The following BASP1 variants were observed in gnomAD, a reference collection of about 807,000 sequenced individuals.
BASP1 encodes brain abundant membrane attached signal protein 1.
Under a neutral mutation model 2.2 loss-of-function variants are expected in BASP1, and 1 was observed. That is an observed-to-expected ratio of 0.46 (90% CI 0.16 to 2.17). The LOEUF is 2.17. BASP1 is among the 30% of genes most tolerant of loss of function. The probability of loss-of-function intolerance (pLI) is 0.27; values close to 1 mark genes in which losing one functional copy is unlikely to be tolerated. For missense variants in BASP1, 352 were observed against 327.2 expected, an observed-to-expected ratio of 1.08 and a Z score of -0.58; for synonymous variants, 187 against 154.2, an observed-to-expected ratio of 1.21 and a Z score of -1.58.
intron 1 of BASP1, among the ~76,000 whole-genome samples, chr5:17,270,146 A>G (rs951664289): frequency 1.3e-5 from 2 of 152,060 alleles, no homozygotes; most frequent in Admixed American, 1.3e-4. Flanking sequence ...GATTACAGGC[A>G]TGCACCACCA....
intron 1 of BASP1, among the ~76,000 whole-genome samples, chr5:17,253,354 G>A (rs1208562446): frequency 1.3e-5 from 2 of 152,230 alleles, no homozygotes; most frequent in East Asian, 3.9e-4. Flanking sequence ...GGGACTACAG[G>A]CGTACGCCAC....
chr5:17,275,291 G>A lies in BASP1; in HGVS notation c.75G>A (p.Lys25=), dbSNP rs1464882024. 1 of 1,613,900 alleles carries A rather than the reference G, an allele frequency of 6.2e-7. No individual in the cohort carries two copies. Among genetic ancestry groups the A allele is most frequent in the Non-Finnish European group, 8.5e-7 (1 of 1,180,000 alleles). The change falls in exon 2 of 2, where the codon AAG becomes AAA. Residue 25 remains lysine, a synonymous_variant. Transcript: ENST00000322611. This position sits in a 1 kb window ranked among gnomAD's most constrained non-coding sequence, Gnocchi z 5.3. The part of the protein sequence containing the change: ...NDEKAKEKDK[K]AEGAATEEEG... Reference sequence around the variant, plus strand: ...AGAAAGCCAAGGAGAAAGACAAGAAGGCCGAGGGCGCGGCGACGGAAGAGG... The same window carrying A: ...AGAAAGCCAAGGAGAAAGACAAGAAAGCCGAGGGCGCGGCGACGGAAGAGG...
At chr5:17,226,217 C>G (rs1278204761) in intron 1 of BASP1, among the ~76,000 whole-genome samples, 1 of 152,092 alleles carries the variant, frequency 6.6e-6, no homozygotes, top group Non-Finnish European at 1.5e-5. Flanking sequence ...TAAAATAAAC[C>G]AAAATTAAAA....
chr5:17,235,646 T>C (rs7715335), intron 1 of BASP1, among the ~76,000 whole-genome samples: 2,021 of 152,314 alleles, frequency 0.013, 42 homozygotes, highest in Middle Eastern at 0.061. Context: ...AAGTGCTCCT[T>C]TCTCTTGACT....
intron 1 of BASP1, among the ~76,000 whole-genome samples, chr5:17,263,011 T>A (rs949102262): frequency 1.3e-5 from 2 of 152,140 alleles, no homozygotes; most frequent in Admixed American, 6.5e-5. Context: ...CACGCCCGGC[T>A]AATTTTTTAT....
chr5:17,255,146 CTA>C (rs1346804925), intron 1 of BASP1, among the ~76,000 whole-genome samples: 1 of 152,180 alleles, frequency 6.6e-6, no homozygotes, highest in East Asian at 1.9e-4. Context: ...GCAAATCTTT[CTA>C]TGTTAGTATT....
intron 1 of BASP1, among the ~76,000 whole-genome samples, chr5:17,230,313 G>A (rs1480775400): frequency 1.3e-5 from 2 of 152,148 alleles, no homozygotes; most frequent in East Asian, 3.9e-4. Context: ...ATAGAAGCAA[G>A]TGCAGGAAGA....
chr5:17,233,199 G>C (rs1739669247), intron 1 of BASP1, among the ~76,000 whole-genome samples: 1 of 152,164 alleles, frequency 6.6e-6, no homozygotes, highest in African/African-American at 2.4e-5. Flanking sequence ...GTGATGGTAG[G>C]CGTCTTTATT....
intron 1 of BASP1, among the ~76,000 whole-genome samples, chr5:17,218,876 GCGT>G: frequency 6.6e-6 from 1 of 152,096 alleles, no homozygotes; most frequent in East Asian, 1.9e-4. Flanking sequence ...CTCCTTATCT[GCGT>G]CCCCAGAGAC....
intron 1 of BASP1, among the ~76,000 whole-genome samples, chr5:17,248,322 C>T (rs1200463593): frequency 1.3e-5 from 2 of 152,196 alleles, no homozygotes; most frequent in African/African-American, 2.4e-5. Flanking sequence ...GATGTGAAAA[C>T]AATTGTGTCA....
In BASP1 at chr5:17,244,473, G is replaced by T. The variant is rs141755230; in HGVS notation, c.-10+26663G>T. Among the ~76,000 whole-genome samples the T allele has an allele frequency of 2.7e-3, 404 of 152,264 alleles. 3 individuals are homozygous for T. The highest frequency in any genetic ancestry group is 9.4e-3 in the African/African-American group (392 of 41,550). On this transcript the variant is annotated intron_variant, in intron 1 of 1. Coordinates refer to ENST00000322611, the MANE Select transcript of BASP1 (RefSeq NM_006317.5). ...TCCACTAAGCTGAGGATCTGAGACT[G>T]GGCACGGCCAGAGGAATCCTGGGAG...
chr5:17,247,815 T>G (rs1169679321), intron 1 of BASP1, among the ~76,000 whole-genome samples: 1 of 152,222 alleles, frequency 6.6e-6, no homozygotes, highest in Non-Finnish European at 1.5e-5. Context: ...ATCAGTAGAC[T>G]TTATGAGTAT....
intron 1 of BASP1, among the ~76,000 whole-genome samples, chr5:17,255,308 T>G (rs1740185113): frequency 1.3e-5 from 2 of 152,330 alleles, no homozygotes; most frequent in South Asian, 4.1e-4. Context: ...TCCTTCCCTT[T>G]GGTTCAATTT....
At chr5:17,227,219 G>A (rs773875131) in intron 1 of BASP1, among the ~76,000 whole-genome samples, 10 of 142,322 alleles carry the variant, frequency 7.0e-5, no homozygotes, top group Non-Finnish European at 1.2e-4. Context: ...GTGAGCCACC[G>A]CACCCGTCCT....
intron 1 of BASP1, among the ~76,000 whole-genome samples, chr5:17,252,770 A>G (rs1740128426): frequency 6.6e-6 from 1 of 152,210 alleles, no homozygotes; most frequent in Non-Finnish European, 1.5e-5. Flanking sequence ...AATCTTTGCA[A>G]TATCCTTTAG....
chr5:17,273,132 GA>G (rs1274742698), intron 1 of BASP1, among the ~76,000 whole-genome samples: 2 of 152,152 alleles, frequency 1.3e-5, no homozygotes, highest in African/African-American at 4.8e-5. Context: ...TATCAGAGCT[GA>G]AATTATATTT....
chr5:17,259,339 G>A (rs114243618), intron 1 of BASP1, among the ~76,000 whole-genome samples: 1,683 of 152,246 alleles, frequency 0.011, 30 homozygotes, highest in African/African-American at 0.039. Flanking sequence ...AGTACACACG[G>A]GAATTGTGGG....
At chr5:17,252,920 A>C in intron 1 of BASP1, among the ~76,000 whole-genome samples, 1 of 152,188 alleles carries the variant, frequency 6.6e-6, no homozygotes, top group East Asian at 1.9e-4. Flanking sequence ...CCAGCCATGC[A>C]GTTTCTGTTG....
chr5:17,262,350 T>C (rs1369743436), intron 1 of BASP1, among the ~76,000 whole-genome samples: 2 of 152,228 alleles, frequency 1.3e-5, no homozygotes, highest in African/African-American at 4.8e-5. Flanking sequence ...CAACTTATCA[T>C]GATGGCTAAG....
Sources: gnomAD v4.1 joint callset for allele counts (sites outside exome capture counted in the v4.1 genomes callset) on GRCh38, gnomAD v4.1.1 for gene constraint, Gnocchi (gnomAD v3.1) non-coding constraint, MANE v1.5 for transcripts, NCBI Gene and HGNC (gene_info 2026-07-23, HGNC 2026-07-21) for gene names.